The following LAMA5 variants were observed in gnomAD, a reference collection of about 807,000 sequenced individuals.
LAMA5 encodes the protein laminin subunit alpha-5.
In LAMA5, 260 loss-of-function variants were observed where a neutral mutation model predicts 433.4. The observed-to-expected ratio is 0.60, with a 90% CI of 0.54 to 0.66. The LOEUF (loss-of-function observed/expected upper bound fraction) is 0.66. Among genes scored for constraint, LAMA5 ranks in the 30% least tolerant of loss-of-function variants. The pLI is 0.00. For missense variants in LAMA5, 5,378 were observed against 5,258.5 expected (o/e 1.02, Z -0.70); for synonymous variants, 2,620 against 2,226.6 (o/e 1.18, Z -4.97).
At position 62,322,408 on chromosome 20, in the gene LAMA5, C is replaced by T. The variant is rs374550353; in HGVS notation, c.6207G>A (p.Pro2069=). ...FGFDGCGGCR[P]CACGPAAEGS... is the part of the protein sequence containing the mutation. ...CCTCGGCGGCCGGTCCACAAGCACA[C>T]GGGCGGCAGCCCCCGCAGCCATCGA... Residue 2069 remains proline (P), a synonymous_variant, in exon 47 of 80, where the codon CCG becomes CCA. Coordinates refer to ENST00000252999, the MANE Select transcript of LAMA5 (RefSeq NM_005560.6). 2.6e-4 allele frequency: 418 copies of T among 1,592,998 alleles called. No individual in the cohort carries two copies. The highest frequency in any genetic ancestry group is 2.6e-4 in the Non-Finnish European group (301 of 1,170,904).
chr20:62,311,816 T>TTGGGCCCCCCC, intron 70 of LAMA5, 32 bp from the exon 71 acceptor site: 4 of 1,521,004 alleles, frequency 2.6e-6, no homozygotes, highest in Non-Finnish European at 3.6e-6. Context: ...GCTCGGTTTT[T>TTGGGCCCCCCC]CCCCACCCTG....
At chr20:62,366,718 C>T (rs1986768372) in intron 1 of LAMA5, among the ~76,000 whole-genome samples, 1 of 152,214 alleles carries the variant, frequency 6.6e-6, no homozygotes, top group African/African-American at 2.4e-5. Flanking sequence ...GGCGCCCAGC[C>T]GCCCCCGGGT....
In LAMA5 at chr20:62,313,418, C is replaced by T. The variant is rs1285983547; in HGVS notation, c.8701G>A (p.Glu2901Lys). Residue 2901 changes from glutamate (E) to lysine (K), a missense_variant, in exon 64 of 80, where the codon GAG becomes AAG. Glu to Lys is a moderately conservative substitution (Grantham distance 56). Transcript: ENST00000252999. The part of the protein sequence containing the change: ...LRFPGYRGCI[E>K]MDTLNEEVVS... ...ACCTCCTCATTCAGCGTGTCCATCT[C>T]GATGCAGCCCCGGTAGCCGGGGAAG... 18 of 1,610,266 alleles carry T rather than the reference C, an allele frequency of 1.1e-5. 1 individual carries two copies. The highest frequency in any genetic ancestry group is 1.6e-4 in the Middle Eastern group (1 of 6,074).
intron 70 of LAMA5, 27 bp from the exon 71 acceptor site, chr20:62,311,811 G>C (rs370365179): frequency 1.7e-5 from 26 of 1,558,404 alleles, no homozygotes; most frequent in African/African-American, 1.5e-4. Context: ...CGGAGGCTCG[G>C]TTTTTCCCCA....
chr20:62,310,594 G>T, intron 75 of LAMA5, 22 bp from the exon 76 acceptor site: 1 of 1,568,254 alleles, frequency 6.4e-7, no homozygotes, highest in Non-Finnish European at 8.6e-7. Context: ...GACCGGGCAG[G>T]GATCAGGGCC....
chr20:62,350,726 G>A (rs532149903), intron 6 of LAMA5, among the ~76,000 whole-genome samples: 3 of 152,264 alleles, frequency 2.0e-5, no homozygotes, highest in Admixed American at 1.3e-4. Flanking sequence ...CCAGCCCCAT[G>A]CCTGCACTGC....
In LAMA5 at chr20:62,325,298, G is replaced by T; in HGVS notation, c.5529+18C>A. ...CACAGGTGAGCCGCCTCGCAGTCTG[G>T]TGCTGTCCTAACCTCACCTGGCATG... On this transcript the variant is annotated intron_variant, in intron 41 of 79. Coordinates refer to ENST00000252999, the MANE Select transcript of LAMA5 (RefSeq NM_005560.6). 3 of 1,530,620 alleles carry T rather than the reference G, an allele frequency of 2.0e-6. No homozygotes were observed. Among genetic ancestry groups the T allele is most frequent in the Non-Finnish European group, 2.7e-6 (3 of 1,128,126 alleles). 94.8% of individuals were successfully genotyped at this position (1,530,620 alleles called of 1,614,324 possible).
chr20:62,316,228 G>A (rs1986915593), intron 57 of LAMA5, 170 bp from the exon 58 acceptor site: 2 of 613,460 alleles, frequency 3.3e-6, no homozygotes, highest in African/African-American at 1.8e-5. Context: ...TTGAGTCTCA[G>A]CGTAGCCTCT....
At chr20:62,331,790 G>T (rs551441715) in intron 28 of LAMA5, among the ~76,000 whole-genome samples, 1 of 152,346 alleles carries the variant, frequency 6.6e-6, no homozygotes, top group South Asian at 2.1e-4. Context: ...GGTGGCTCCT[G>T]TCTGTAATCC....
chr20:62,326,880 C>G lies in LAMA5; in HGVS notation c.5199G>C (p.Pro1733=). ...GDVFVPMESR[P]DVVLQGNQMS... The stretch of plus-strand genomic sequence containing the variant: ...GCTCCCTCACCTGCAGCACCACATC[C>G]GGCCTGCTCTCCATGGGGACAAAGA... The change falls in exon 39 of 80, where the codon CCG becomes CCC. Residue 1733 remains proline, a synonymous_variant. Transcript: ENST00000252999. 1 of 1,611,696 alleles carries G rather than the reference C, an allele frequency of 6.2e-7. No homozygotes were observed. The highest frequency in any genetic ancestry group is 8.5e-7 in the Non-Finnish European group (1 of 1,178,810).
rs1281607116 is a variant in LAMA5, at chr20:62,345,802, C to T, written c.1477+16G>A. 1.6e-5 allele frequency: 24 copies of T among 1,545,692 alleles called. No individual in the cohort carries two copies. The highest frequency in any genetic ancestry group is 1.7e-5 in the Non-Finnish European group (20 of 1,143,202). Reference sequence around the variant, plus strand: ...CCAGGGCAGGCCGGGGACCTGGGGGCCTCAAGGACACTTACTCACAATCTG... The same window carrying T: ...CCAGGGCAGGCCGGGGACCTGGGGGTCTCAAGGACACTTACTCACAATCTG... On this transcript the variant is annotated intron_variant, in intron 11 of 79. Transcript: ENST00000252999.
At chr20:62,349,964 TG>T (rs1984046090) in intron 6 of LAMA5, among the ~76,000 whole-genome samples, 1 of 150,172 alleles carries the variant, frequency 6.7e-6, no homozygotes, top group East Asian at 2.0e-4. Flanking sequence ...AGAGGTGGGG[TG>T]GCGGGTAAAG....
rs1232266884 is a variant in LAMA5 at position 62,318,834 on chromosome 20, A to T, written c.7042+9T>A. ...CCCCACCCCGCCTGCCAGGGACAAC[A>T]CCACTCACATCTCTGTGCTGCAGCC... On this transcript the variant is annotated intron_variant, in intron 52 of 79. Coordinates refer to ENST00000252999, the MANE Select transcript of LAMA5 (RefSeq NM_005560.6). 6.2e-7 allele frequency: 1 copy of T among 1,609,570 alleles called. No individual in the cohort carries two copies. The highest frequency in any genetic ancestry group is 1.3e-5 in the African/African-American group (1 of 74,784).
At chr20:62,346,294 C>T in intron 9 of LAMA5, 79 bp from the exon 10 acceptor site, 2 of 1,527,348 alleles carry the variant, frequency 1.3e-6, no homozygotes, top group Non-Finnish European at 1.8e-6. Flanking sequence ...CAGTCTCTAC[C>T]TCCCCAGCCA....
In LAMA5 at chr20:62,335,333, G is replaced by A. The variant is rs1386611158; in HGVS notation, c.2324-64C>T. On this transcript the variant is annotated intron_variant, in intron 18 of 79. Transcript: ENST00000252999. ...CAGGAGAGCCTGGCTCCAGCCCCCC[G>A]AGGAACCCCCACACCCTAACACCCC... The A allele has an allele frequency of 5.2e-6, 8 of 1,545,334 alleles. No individual in the cohort carries two copies. The Admixed American group carries it at 7.0e-5, about 14-fold the overall frequency.
At chr20:62,345,944 AC>A (rs2146278208) in intron 10 of LAMA5, 67 bp from the exon 11 acceptor site, 4 of 1,559,582 alleles carry the variant, frequency 2.6e-6, no homozygotes, top group Non-Finnish European at 2.6e-6. Context: ...ACCCCCTGCC[AC>A]CCTTGGTCTC....
chr20:62,332,848 C>G (rs1980742407), intron 26 of LAMA5, 131 bp from the exon 27 acceptor site: 2 of 1,189,310 alleles, frequency 1.7e-6, no homozygotes, highest in African/African-American at 3.1e-5. Context: ...CCGGACATCT[C>G]CAGGCAAGTG....
intron 60 of LAMA5, 23 bp from the exon 61 acceptor site, chr20:62,314,748 G>T: frequency 3.7e-6 from 6 of 1,612,478 alleles, no homozygotes; most frequent in Non-Finnish European, 5.1e-6. Flanking sequence ...GTCCATCAGC[G>T]TCCACCACCA....
chr20:62,325,611 C>G, intron 40 of LAMA5, 65 bp from the exon 41 acceptor site: 1 of 1,107,034 alleles, frequency 9.0e-7, no homozygotes, highest in Non-Finnish European at 1.3e-6. Flanking sequence ...GAGCCTAGAA[C>G]AGACCCCCCA....
Sources: gnomAD v4.1 joint callset for allele counts (sites outside exome capture counted in the v4.1 genomes callset) on GRCh38, gnomAD v4.1.1 for gene constraint, MANE v1.5 for transcripts, NCBI Gene and HGNC (gene_info 2026-07-23, HGNC 2026-07-21) for gene names.